Variants in FAT2 observed in about 807,000 individuals in gnomAD.
The protein encoded by FAT2 is FAT atypical cadherin 2.
FAT2 carries 150 observed loss-of-function variants against 295.3 expected under a neutral mutation model. That is an observed-to-expected ratio of 0.51 (90% CI 0.44 to 0.58). The LOEUF (loss-of-function observed/expected upper bound fraction) is 0.58, where lower values mean the gene tolerates loss of function less well. Ranked by LOEUF, FAT2 falls within the 20% of genes least tolerant of loss-of-function variation. The pLI is 0.00. For synonymous variants in FAT2, 2,026 were observed against 2,150.3 expected, an observed-to-expected ratio of 0.94 and a Z score of 1.60; for missense variants, 4,868 against 5,442.7, an observed-to-expected ratio of 0.89 and a Z score of 3.32.
chr5:151,506,991 C>T (rs1324498324), intron 23 of FAT2, among the ~76,000 whole-genome samples, 163 bp downstream of exon 23: 1 of 152,226 alleles, frequency 6.6e-6, no homozygotes. Context: ...GGTATCTGCT[C>T]CAGCATCCGT....
rs577289164 is a variant in FAT2, at chr5:151,573,050, T to C, written c.-20-4099A>G. On this transcript the variant is annotated intron_variant, in intron 1 of 23. Coordinates refer to ENST00000261800, the MANE Select transcript of FAT2 (RefSeq NM_001447.3). ...CATTAGTTCTGTGTCTACCTGGCCA[T>C]GAATGGACCCTTTTAGGATATATGT... Among the ~76,000 whole-genome samples, 11 of 152,346 alleles carry C rather than the reference T, an allele frequency of 7.2e-5. No individual in the cohort carries two copies. The East Asian group carries it at 2.1e-3, about 29-fold the overall frequency.
chr5:151,515,569 G>A (rs1376181959), intron 20 of FAT2, among the ~76,000 whole-genome samples: 1 of 152,100 alleles, frequency 6.6e-6, no homozygotes, highest in South Asian at 2.1e-4. Flanking sequence ...CCCTTCCCCA[G>A]GCCTGCTGGC....
In FAT2 at chr5:151,544,541, G is replaced by A. The variant is rs910643174; in HGVS notation, c.6586C>T (p.Arg2196Trp). ...ATGAGCCGGAGTCCCTCTGGACTCC[G>A]GGCCTGGGTGTGGAGAATTGGGGTA... ...LYTPILHTQA[R>W]SPEGLRLIYN... The change falls in exon 10 of 24, where the codon CGG (arginine) becomes TGG (tryptophan). Residue 2196 changes from arginine to tryptophan, a missense_variant. Arg to Trp is a moderately radical substitution (Grantham distance 101, BLOSUM62 -3). Transcript: ENST00000261800. 8.1e-6 allele frequency: 13 copies of A among 1,613,948 alleles called. No individual in the cohort carries two copies. Among genetic ancestry groups the A allele is most frequent in the South Asian group, 2.2e-5 (2 of 91,072 alleles).
intron 11 of FAT2, among the ~76,000 whole-genome samples, chr5:151,540,191 A>G (rs929955073): frequency 5.9e-5 from 9 of 152,246 alleles, no homozygotes; most frequent in African/African-American, 2.2e-4. Flanking sequence ...GATGTGGGCC[A>G]TGAGTCTTGA....
chr5:151,568,461 G>T lies in FAT2; in HGVS notation c.471C>A (p.Ile157=). 4 of 1,614,218 alleles carry T rather than the reference G, an allele frequency of 2.5e-6. No individual in the cohort carries two copies. In the South Asian group the frequency reaches 3.3e-5, roughly 13 times the overall value. The change falls in exon 2 of 24, where the codon ATC becomes ATA. Residue 157 remains isoleucine (I), a synonymous_variant. Coordinates refer to ENST00000261800, the MANE Select transcript of FAT2 (RefSeq NM_001447.3). ...GGCTCTTCAGGGGCATGTCCTCAGA[G>T]ATGGTGACTCTGTACGAAGGTGGAG... is the stretch of plus-strand genomic sequence containing the variant. ...LFSPPSYRVT[I]SEDMPLKSPI...
At chr5:151,558,085 T>A (rs2127636939) in intron 3 of FAT2, among the ~76,000 whole-genome samples, 1 of 152,356 alleles carries the variant, frequency 6.6e-6, no homozygotes. Flanking sequence ...CTGGCTTAAG[T>A]TCTGAACTTC....
rs953238779 is a variant in FAT2, at chr5:151,544,661, C to T, written c.6466G>A (p.Glu2156Lys). Residue 2156 changes from glutamate to lysine, a missense_variant, in exon 10 of 24, where the codon GAG becomes AAG. Physicochemically the swap from Glu to Lys is moderately conservative, Grantham distance 56. This residue lies in a region of FAT2 where 3,297 missense variants were observed against 3,669.4 expected (regional missense o/e 0.90). Transcript: ENST00000261800. ...CTCACAGTGACAAGTACCTCTTCCT[C>T]ACTCTGGAGGGATGGCGTTCCTCCA... ...RDGGTPSLQS[E>K]EEVLVTVRNK... 4 of 1,614,178 alleles carry T rather than the reference C, an allele frequency of 2.5e-6. No individual in the cohort carries two copies. Among genetic ancestry groups the T allele is most frequent in the South Asian group, 1.1e-5 (1 of 91,086 alleles).
intron 1 of FAT2, among the ~76,000 whole-genome samples, chr5:151,579,965 T>G (rs943481850): frequency 6.6e-6 from 1 of 152,206 alleles, no homozygotes. Flanking sequence ...CCATTCCCTA[T>G]GCATTGTCCC....
intron 20 of FAT2, among the ~76,000 whole-genome samples, chr5:151,517,001 G>A (rs1442206782): frequency 5.3e-5 from 8 of 151,952 alleles, no homozygotes; most frequent in African/African-American, 1.2e-4. Context: ...CCAACTACTC[G>A]GGAAGCTGAG....
intron 22 of FAT2, among the ~76,000 whole-genome samples, chr5:151,508,940 T>G (rs1761101366): frequency 6.6e-6 from 1 of 152,102 alleles, no homozygotes; most frequent in South Asian, 2.1e-4. Flanking sequence ...GATCTTGGAA[T>G]CTATATTTTT....
At position 151,507,615 on chromosome 5, in the gene FAT2, C is replaced by T. The variant is rs201790770; in HGVS notation, c.12060-4G>A. 255 of 1,494,776 alleles carry T rather than the reference C, an allele frequency of 1.7e-4. No homozygotes were observed. The East Asian group carries it at 6.0e-3, about 35-fold the overall frequency. The allele number at this position is 1,494,776 out of a possible 1,614,324, so 92.6% of individuals were successfully genotyped here. ...ACCCCTCGCCTCCATTTCACACCTG[C>T]GGAGACAGAGTAGTCAGGGGGCCAA... is the stretch of plus-strand genomic sequence containing the variant. On this transcript the variant is annotated splice_polypyrimidine_tract_variant and splice_region_variant and intron_variant, in intron 22 of 23. Transcript: ENST00000261800.
chr5:151,546,184 A>G lies in FAT2; in HGVS notation c.4943T>C (p.Ile1648Thr), dbSNP rs2127614291. The G allele has an allele frequency of 6.2e-7, 1 of 1,614,202 alleles. No individual in the cohort carries two copies. The highest frequency in any genetic ancestry group is 8.5e-7 in the Non-Finnish European group (1 of 1,180,024). ...ACTCCTATCTGAGGGATAGACATGA[A>G]TGATCACTGTAGCCAGGTCATGCCA... ...PQWHDLATVI[I>T]HVYPSDRSAP... Residue 1648 changes from isoleucine to threonine, a missense_variant, in exon 10 of 24, where the codon ATT (isoleucine) becomes ACT (threonine). Around this residue, in one of 5 missense-constraint regions of FAT2, gnomAD observed 3,297 missense variants for 3,669.4 expected, o/e 0.90. Transcript: ENST00000261800.
Position 151,512,793 on chromosome 5 carries a change from G to A in FAT2, c.11464-187C>T. 1.6e-6 allele frequency: 1 copy of A among 608,670 alleles called. No homozygotes were observed. The highest frequency in any genetic ancestry group is 2.9e-6 in the Non-Finnish European group (1 of 345,924). The allele number at this position is 608,670 out of a possible 1,614,324, so 37.7% of individuals were successfully genotyped here. ...TGCTTTTGTGTTGATGGTCTCCTTT[G>A]TTCTCACCACACCCCATGGGATGGT... On this transcript the variant is annotated intron_variant, in intron 20 of 23. Transcript: ENST00000261800. The surrounding 1 kb of genome is among the most constrained non-coding windows in gnomAD (Gnocchi z 4.1).
chr5:151,539,232 C>A (rs1215597329), intron 11 of FAT2, among the ~76,000 whole-genome samples: 1 of 152,154 alleles, frequency 6.6e-6, no homozygotes, highest in African/African-American at 2.4e-5. Context: ...ATACCAATAA[C>A]CAGACTCTCT....
intron 13 of FAT2, among the ~76,000 whole-genome samples, chr5:151,532,947 T>C (rs1010240897): frequency 1.3e-5 from 2 of 152,212 alleles, no homozygotes; most frequent in Non-Finnish European, 2.9e-5. Flanking sequence ...AACTTCCCCA[T>C]ATTGGCACTT....
In FAT2 at chr5:151,525,885, C is replaced by T. The variant is rs149006704; in HGVS notation, c.10389G>A (p.Ser3463=). 73 of 1,614,160 alleles carry T rather than the reference C, an allele frequency of 4.5e-5. No homozygotes were observed. The African/African-American group carries it at 5.5e-4, about 12-fold the overall frequency. The change falls in exon 18 of 24, where the codon TCG becomes TCA. Residue 3463 remains serine, a synonymous_variant. Transcript: ENST00000261800. The part of the protein sequence containing the change: ...PDSPENGPPY[S]FRITKGNNGS... ...CGTTGTTCCCCTTGGTGATTCGAAACGAGTAGGGGGGGCCATTCTCTGGAG... is the reference window on the plus strand; with the variant it reads ...CGTTGTTCCCCTTGGTGATTCGAAATGAGTAGGGGGGGCCATTCTCTGGAG...
At chr5:151,575,776 T>G (rs1353708963) in intron 1 of FAT2, among the ~76,000 whole-genome samples, 1 of 152,190 alleles carries the variant, frequency 6.6e-6, no homozygotes, top group African/African-American at 2.4e-5. Flanking sequence ...TGGAGTTCAC[T>G]CTAGAGCTGC....
chr5:151,565,644 G>T, intron 2 of FAT2, 29 bp downstream of exon 2: 2 of 1,526,870 alleles, frequency 1.3e-6, no homozygotes, highest in Non-Finnish European at 1.8e-6. Context: ...CTCTGGCCCT[G>T]GCACCCCACC....
Position 151,504,458 on chromosome 5 carries a change from G to A in FAT2, c.*1107C>T, listed in dbSNP as rs1236078643. 6.6e-6 allele frequency: 1 copy of A among 152,560 alleles called. No individual in the cohort carries two copies. The highest frequency in any genetic ancestry group is 1.9e-4 in the East Asian group (1 of 5,184). The allele number at this position is 152,560 out of a possible 1,614,324, so 9.5% of individuals were successfully genotyped here. A position where few individuals can be genotyped will look rare whatever the true frequency, so the allele number is the denominator to read the frequency against. ...CATGGGCACCCACATGTGTAGACATGTGCCCACATTGACCCTCCATGCATA... is the reference window on the plus strand; with the variant it reads ...CATGGGCACCCACATGTGTAGACATATGCCCACATTGACCCTCCATGCATA... On this transcript the variant is annotated 3_prime_UTR_variant, in exon 24 of 24. Transcript: ENST00000261800.
Sources: allele counts gnomAD v4.1 joint callset (sites outside exome capture counted in the v4.1 genomes callset), GRCh38; gene constraint gnomAD v4.1.1; regional missense constraint gnomAD v4.1.1; non-coding constraint Gnocchi (gnomAD v3.1); transcripts MANE v1.5; gene names NCBI Gene and HGNC (gene_info 2026-07-23, HGNC 2026-07-21).